KLHL1: variants seen among roughly 807,000 people sequenced by gnomAD.
The protein encoded by KLHL1 is kelch like family member 1.
Under a neutral mutation model 77.7 loss-of-function variants are expected in KLHL1, and 47 were observed. The observed-to-expected ratio is 0.60, with a 90% CI of 0.48 to 0.77. The LOEUF (loss-of-function observed/expected upper bound fraction) is 0.77, where lower values mean the gene tolerates loss of function less well. Ranked by LOEUF, KLHL1 falls within the 30% of genes least tolerant of loss-of-function variation. The probability of loss-of-function intolerance (pLI) is 0.00; values close to 1 mark genes in which losing one functional copy is unlikely to be tolerated. For missense variants in KLHL1, 925 were observed against 910.8 expected (o/e 1.02, Z -0.20); for synonymous variants, 360 against 325.2 (o/e 1.11, Z -1.15).
chr13:69,818,219 C>CTTTTTTTTTTTTTTTTTTTTTTTTTTTTT lies in KLHL1; in HGVS notation c.1414+20756_1414+20757insAAAAAAAAAAAAAAAAAAAAAAAAAAAAA, dbSNP rs1316398623. On this transcript the variant is annotated intron_variant, in intron 6 of 10. Coordinates refer to ENST00000377844, the MANE Select transcript of KLHL1 (RefSeq NM_020866.3). ...AGAATTTAACTTAACTCATAGGCAT[C>CTTTTTTTTTTTTTTTTTTTTTTTTTTTTT]TTTTTTTTTTTTTTTTTTTTGAGAC... 5.5e-4 allele frequency among the ~76,000 whole-genome samples: 62 copies of CTTTTTTTTTTTTTTTTTTTTTTTTTTTTT among 112,878 alleles called. 5 individuals are homozygous for CTTTTTTTTTTTTTTTTTTTTTTTTTTTTT. Among genetic ancestry groups the CTTTTTTTTTTTTTTTTTTTTTTTTTTTTT allele is most frequent in the Non-Finnish European group, 7.6e-4 (43 of 56,846 alleles). The allele number at this position is 112,878 out of a possible 152,430, so 74.1% of individuals were successfully genotyped here. A position where few individuals can be genotyped will look rare whatever the true frequency, so the allele number is the denominator to read the frequency against.
At chr13:69,907,719 G>A (rs539849108) in intron 4 of KLHL1, among the ~76,000 whole-genome samples, 1 of 151,956 alleles carries the variant, frequency 6.6e-6, no homozygotes, top group African/African-American at 2.4e-5. Flanking sequence ...GGACTTGCAA[G>A]GCATTGGATC....
chr13:70,081,578 GTTC>G (rs1412276999), intron 1 of KLHL1, among the ~76,000 whole-genome samples: 5 of 152,130 alleles, frequency 3.3e-5, no homozygotes, highest in African/African-American at 4.8e-5. Flanking sequence ...TCTCTCCGTT[GTTC>G]TTCTTAAAAC....
At chr13:70,066,471 G>T (rs1449956865) in intron 1 of KLHL1, among the ~76,000 whole-genome samples, 3 of 152,138 alleles carry the variant, frequency 2.0e-5, no homozygotes, top group East Asian at 3.8e-4. Flanking sequence ...TTTATATACA[G>T]GTCAATGAGT....
intron 3 of KLHL1, among the ~76,000 whole-genome samples, chr13:69,946,076 G>A (rs761270526): frequency 6.6e-6 from 1 of 152,056 alleles, no homozygotes; most frequent in Non-Finnish European, 1.5e-5. Flanking sequence ...AAAGAAACCA[G>A]ACAGAAAATA....
At chr13:69,745,005 A>G (rs1470482536) in intron 7 of KLHL1, among the ~76,000 whole-genome samples, 2 of 151,910 alleles carry the variant, frequency 1.3e-5, no homozygotes, top group African/African-American at 2.4e-5. Flanking sequence ...ATATACTTAC[A>G]TTGAAATTGA....
chr13:69,708,096 G>A (rs112032547), intron 9 of KLHL1, among the ~76,000 whole-genome samples: 2 of 151,898 alleles, frequency 1.3e-5, no homozygotes, highest in African/African-American at 4.8e-5. Context: ...ATTATCCACA[G>A]TAGAATTAGG....
At chr13:69,893,482 C>T (rs1354256395) in intron 4 of KLHL1, among the ~76,000 whole-genome samples, 2 of 152,092 alleles carry the variant, frequency 1.3e-5, no homozygotes, top group Non-Finnish European at 2.9e-5. Flanking sequence ...GATCCACCCG[C>T]CTCGGCCTCC....
chr13:69,945,113 G>A (rs150472741), intron 3 of KLHL1, among the ~76,000 whole-genome samples: 39 of 149,934 alleles, frequency 2.6e-4, no homozygotes, highest in African/African-American at 9.1e-4. Flanking sequence ...AGCCTCCCAG[G>A]TAGCTGGGAT....
chr13:69,773,863 C>CTATATATATATATATATATATATA (rs72007331), intron 7 of KLHL1, among the ~76,000 whole-genome samples: 11 of 145,972 alleles, frequency 7.5e-5, no homozygotes, highest in Admixed American at 2.1e-4. Context: ...AAGTCCTTGG[C>CTATATATATATATATATATATATA]TATATATATA....
At chr13:70,048,899 AG>A (rs1032394337) in intron 1 of KLHL1, among the ~76,000 whole-genome samples, 53 of 152,314 alleles carry the variant, frequency 3.5e-4, no homozygotes, top group African/African-American at 1.3e-3. Flanking sequence ...AGGGGCAGAA[AG>A]TAGGCAAAAT....
intron 3 of KLHL1, among the ~76,000 whole-genome samples, chr13:69,941,815 A>G (rs148391314): frequency 3.0e-4 from 45 of 152,190 alleles, no homozygotes; most frequent in Admixed American, 1.2e-3. Context: ...ACAAAGGATC[A>G]TTCAAGGCTG....
At chr13:70,103,376 G>C (rs749370840) in intron 1 of KLHL1, among the ~76,000 whole-genome samples, 1 of 152,222 alleles carries the variant, frequency 6.6e-6, no homozygotes, top group Admixed American at 6.5e-5. Context: ...ATCAGTTGGC[G>C]TCCATAGTAT....
At chr13:69,987,188 T>G (rs56863220) in intron 1 of KLHL1, among the ~76,000 whole-genome samples, 1 of 151,862 alleles carries the variant, frequency 6.6e-6, no homozygotes, top group African/African-American at 2.4e-5. Flanking sequence ...CTGACTACAC[T>G]AAAAATACTA....
chr13:69,776,690 A>T (rs1875843309), intron 7 of KLHL1, among the ~76,000 whole-genome samples: 1 of 152,222 alleles, frequency 6.6e-6, no homozygotes, highest in Admixed American at 6.5e-5. Flanking sequence ...ATTTGTTAAA[A>T]AAAGAAAAAT....
At chr13:69,742,087 G>A (rs1874012193) in intron 7 of KLHL1, among the ~76,000 whole-genome samples, 1 of 152,114 alleles carries the variant, frequency 6.6e-6, no homozygotes, top group Admixed American at 6.6e-5. Flanking sequence ...CTGATTGCAA[G>A]CCTTCAATAA....
chr13:70,033,216 G>A lies in KLHL1; in HGVS notation c.498-57414C>T, dbSNP rs569832327. 4.6e-5 allele frequency among the ~76,000 whole-genome samples: 7 copies of A among 152,282 alleles called. No individual in the cohort carries two copies. In the East Asian group the frequency reaches 1.4e-3, roughly 29 times the overall value. ...GCTTTACCTAAGTAATGAGGGAAAA[G>A]TCTCATTTTTAATTACTAAGCCTAG... On this transcript the variant is annotated intron_variant, in intron 1 of 10. Coordinates refer to ENST00000377844, the MANE Select transcript of KLHL1 (RefSeq NM_020866.3).
chr13:70,045,646 T>C (rs894899416), intron 1 of KLHL1, among the ~76,000 whole-genome samples: 1 of 152,140 alleles, frequency 6.6e-6, no homozygotes, highest in East Asian at 1.9e-4. Context: ...TATGTACAAG[T>C]ATCTGAAAGC....
At chr13:69,724,114 C>T (rs1028572111) in intron 8 of KLHL1, among the ~76,000 whole-genome samples, 3 of 152,186 alleles carry the variant, frequency 2.0e-5, no homozygotes, top group South Asian at 2.1e-4. Flanking sequence ...GGATTACAGT[C>T]GTGAGATACC....
intron 4 of KLHL1, among the ~76,000 whole-genome samples, chr13:69,927,086 A>G (rs1170111152): frequency 6.6e-6 from 1 of 152,046 alleles, no homozygotes; most frequent in African/African-American, 2.4e-5. Context: ...AAGAATTGAG[A>G]GTCCAGAAAT....
Sources: allele counts gnomAD v4.1 joint callset (sites outside exome capture counted in the v4.1 genomes callset), GRCh38; gene constraint gnomAD v4.1.1; transcripts MANE v1.5; gene names NCBI Gene and HGNC (gene_info 2026-07-23, HGNC 2026-07-21).